PLCG2: variants seen among roughly 807,000 people sequenced by gnomAD.
The protein encoded by PLCG2 is 1-phosphatidylinositol 4,5-bisphosphate phosphodiesterase gamma-2.
In PLCG2, 69 loss-of-function variants were observed where a neutral mutation model predicts 175.6. The observed-to-expected ratio is 0.39, with a 90% CI of 0.32 to 0.48. PLCG2 has a LOEUF of 0.48. PLCG2 is among the 20% of genes least tolerant of loss of function. PLCG2 has a pLI of 0.91. For synonymous variants in PLCG2, 827 were observed against 624.0 expected, an observed-to-expected ratio of 1.33 and a Z score of -4.85; for missense variants, 1,798 against 1,650.9, an observed-to-expected ratio of 1.09 and a Z score of -1.54.
At chr16:81,934,617 A>T in intron 26 of PLCG2, 86 bp downstream of exon 26, 1 of 833,972 alleles carries the variant, frequency 1.2e-6, no homozygotes. Flanking sequence ...GGGGGCAGAG[A>T]GTGCATTCTC....
intron 2 of PLCG2, among the ~76,000 whole-genome samples, chr16:81,813,579 A>G (rs4322656): frequency 1 from 151,657 of 152,378 alleles, 75,471 homozygotes; most frequent in East Asian, 1. Context: ...ATAACAGTGT[A>G]AAAACACAGG....
At chr16:81,795,978 C>A (rs1911452659) in intron 2 of PLCG2, among the ~76,000 whole-genome samples, 1 of 152,224 alleles carries the variant, frequency 6.6e-6, no homozygotes, top group African/African-American at 2.4e-5. Flanking sequence ...GGGCATCCTT[C>A]CAGGCTTTTC....
intron 26 of PLCG2, chr16:81,935,426 TAA>T (rs34154117): frequency 9.8e-4 from 503 of 515,766 alleles, no homozygotes; most frequent in South Asian, 1.2e-3. Context: ...GGGGGCCATT[TAA>T]AAAAAAAAAG....
intron 6 of PLCG2, 101 bp from the exon 7 acceptor site, chr16:81,870,751 T>C (rs1201886923): frequency 9.8e-6 from 6 of 610,322 alleles, no homozygotes; most frequent in Non-Finnish European, 1.7e-5. Context: ...GCCAATAAAA[T>C]AGCATGCCAT....
intron 1 of PLCG2, among the ~76,000 whole-genome samples, chr16:81,753,045 C>T (rs1909843937): frequency 6.6e-6 from 1 of 152,248 alleles, no homozygotes; most frequent in Non-Finnish European, 1.5e-5. Context: ...CTACTATTAG[C>T]TAGTGCCTGT....
At chr16:81,903,080 A>C (rs1395547705) in intron 14 of PLCG2, among the ~76,000 whole-genome samples, 1 of 152,216 alleles carries the variant, frequency 6.6e-6, no homozygotes, top group Non-Finnish European at 1.5e-5. Flanking sequence ...TTCCAAAGCT[A>C]CCATCTCCAA....
intron 2 of PLCG2, among the ~76,000 whole-genome samples, chr16:81,789,163 G>A (rs1911113856): frequency 6.6e-6 from 1 of 152,194 alleles, no homozygotes. Context: ...AGAAATTACA[G>A]GGTATTAGAA....
chr16:81,775,965 C>A (rs1910389921), upstream of PLCG2, among the ~76,000 whole-genome samples: 1 of 151,786 alleles, frequency 6.6e-6, no homozygotes, highest in African/African-American at 2.4e-5. Flanking sequence ...GGCTGAGGTT[C>A]AAATCCAGCC....
At chr16:81,820,402 A>G (rs925411655) in intron 2 of PLCG2, among the ~76,000 whole-genome samples, 3 of 152,038 alleles carry the variant, frequency 2.0e-5, no homozygotes, top group Non-Finnish European at 2.9e-5. Flanking sequence ...TTAGAATTTC[A>G]TAAACATGGA....
At chr16:81,922,876 C>G (rs2143691048) in intron 21 of PLCG2, among the ~76,000 whole-genome samples, 2 of 152,314 alleles carry the variant, frequency 1.3e-5, no homozygotes. Context: ...GAAGTTCTAT[C>G]TTATTTAGTT....
chr16:81,758,347 G>T (rs997579621), intron 2 of PLCG2, among the ~76,000 whole-genome samples: 1 of 152,078 alleles, frequency 6.6e-6, no homozygotes, highest in African/African-American at 2.4e-5. Flanking sequence ...TCTTTTTATT[G>T]CTGAGTAATA....
chr16:81,956,867 A>T lies in PLCG2; in HGVS notation c.3743A>T (p.Lys1248Ile). The T allele has an allele frequency of 6.2e-7, 1 of 1,613,492 alleles. No homozygotes were observed. The highest frequency in any genetic ancestry group is 8.5e-7 in the Non-Finnish European group (1 of 1,179,630). ...AACCAGCTCCAGCTGTACCAGGAGA[A>T]ATGCAACAAGAGGTAGGTCAGCCCC... ...NENQLQLYQE[K>I]CNKRLREKRV... Residue 1248 changes from lysine to isoleucine, a missense_variant, in exon 32 of 33, where the codon AAA becomes ATA. Transcript: ENST00000564138.
At position 81,912,732 on chromosome 16, in the gene PLCG2, G is replaced by A; in HGVS notation, c.2054+16G>A. 3 of 1,583,982 alleles carry A rather than the reference G, an allele frequency of 1.9e-6. No individual in the cohort carries two copies. The highest frequency in any genetic ancestry group is 2.6e-6 in the Non-Finnish European group (3 of 1,165,954). Reference sequence around the variant, plus strand: ...TCACCTTCAGGTGGGTGCGAGGGTGGGAGGCACATGCTCTACAGAGGGGCT... The same window carrying A: ...TCACCTTCAGGTGGGTGCGAGGGTGAGAGGCACATGCTCTACAGAGGGGCT... On this transcript the variant is annotated intron_variant, in intron 19 of 32. Coordinates refer to ENST00000564138, the MANE Select transcript of PLCG2 (RefSeq NM_002661.5).
Position 81,934,537 on chromosome 16 carries a change from A to G in PLCG2, c.2842+6A>G, listed in dbSNP as rs765477213. ...CAAAACCAAGGACAACTTAGGTAAC[A>G]TCTTTCCCAAGAACATGCCCTATAA... On this transcript the variant is annotated splice_donor_region_variant and intron_variant, in intron 26 of 32. Coordinates refer to ENST00000564138, the MANE Select transcript of PLCG2 (RefSeq NM_002661.5). 5.1e-6 allele frequency: 8 copies of G among 1,555,472 alleles called. No individual in the cohort carries two copies. The highest frequency in any genetic ancestry group is 1.7e-4 in the Middle Eastern group (1 of 5,944).
At chr16:81,834,680 C>T (rs1009076913) in intron 2 of PLCG2, among the ~76,000 whole-genome samples, 1 of 152,112 alleles carries the variant, frequency 6.6e-6, no homozygotes, top group African/African-American at 2.4e-5. Context: ...TAGGACCCAC[C>T]TGGGACAGGG....
chr16:81,882,292 G>A (rs763212318), intron 8 of PLCG2, among the ~76,000 whole-genome samples: 7 of 152,076 alleles, frequency 4.6e-5, no homozygotes, highest in Non-Finnish European at 1.0e-4. Context: ...GCCTTTATTC[G>A]GAGTGTAGTG....
At chr16:81,867,921 G>A (rs995839250) in intron 5 of PLCG2, among the ~76,000 whole-genome samples, 2 of 152,086 alleles carry the variant, frequency 1.3e-5, no homozygotes, top group Non-Finnish European at 2.9e-5. Context: ...GGATGGTCTC[G>A]ATCCTCTGAC....
intron 2 of PLCG2, among the ~76,000 whole-genome samples, chr16:81,854,007 G>A (rs557833530): frequency 6.6e-6 from 1 of 152,134 alleles, no homozygotes; most frequent in Non-Finnish European, 1.5e-5. Context: ...TGGGACTCAA[G>A]GGAAAAGGTC....
At chr16:81,857,274 G>C (rs570198604) in intron 3 of PLCG2, among the ~76,000 whole-genome samples, 4 of 152,296 alleles carry the variant, frequency 2.6e-5, no homozygotes, top group African/African-American at 9.6e-5. Flanking sequence ...TGATTCTCCT[G>C]AGCAGCTGGG....
Sources: gnomAD v4.1 joint callset for allele counts (sites outside exome capture counted in the v4.1 genomes callset) on GRCh38, gnomAD v4.1.1 for gene constraint, MANE v1.5 for transcripts, NCBI Gene and HGNC (gene_info 2026-07-23, HGNC 2026-07-21) for gene names.